The following ANKRD10 variants were observed in gnomAD, a reference collection of about 807,000 sequenced individuals.
ANKRD10 encodes ankyrin repeat domain-containing protein 10.
In ANKRD10, 14 loss-of-function variants were observed where a neutral mutation model predicts 27.0. That is an observed-to-expected ratio of 0.52 (90% CI 0.34 to 0.81). The LOEUF (loss-of-function observed/expected upper bound fraction) is 0.81. Ranked by LOEUF, ANKRD10 falls within the 40% of genes least tolerant of loss-of-function variation. ANKRD10 has a pLI of 0.01. For synonymous variants in ANKRD10, 250 were observed against 224.5 expected, an observed-to-expected ratio of 1.11 and a Z score of -1.01; for missense variants, 493 against 544.0, an observed-to-expected ratio of 0.91 and a Z score of 0.93.
chr13:110,914,429 G>C (rs941925388), intron 1 of ANKRD10: 4 of 247,516 alleles, frequency 1.6e-5, no homozygotes, highest in African/African-American at 9.1e-5. Flanking sequence ...GGGACCCTTG[G>C]AGCCCGCCTT....
rs1332194611 is a variant in ANKRD10, at chr13:110,878,814, C to T, written c.*823G>A. 6.6e-6 allele frequency: 1 copy of T among 152,514 alleles called. No individual in the cohort carries two copies. The highest frequency in any genetic ancestry group is 2.4e-5 in the African/African-American group (1 of 41,408). The allele number at this position is 152,514 out of a possible 1,614,324, so 9.4% of individuals were successfully genotyped here. A position where few individuals can be genotyped will look rare whatever the true frequency, so the allele number is the denominator to read the frequency against. ...ACTGGATATACATAGTGGTATATAT[C>T]TTAAAGCAGAAAACCCCAAAAAACA... On this transcript the variant is annotated 3_prime_UTR_variant, in exon 6 of 6. Coordinates refer to ENST00000267339, the MANE Select transcript of ANKRD10 (RefSeq NM_017664.4).
intron 3 of ANKRD10, among the ~76,000 whole-genome samples, 188 bp from the exon 4 acceptor site, chr13:110,893,451 A>C (rs1324915230): frequency 6.6e-6 from 1 of 152,248 alleles, no homozygotes; most frequent in African/African-American, 2.4e-5. Flanking sequence ...TTGATTTCTA[A>C]GCAAGATTTG....
chr13:110,881,989 T>C (rs970260973), intron 5 of ANKRD10, among the ~76,000 whole-genome samples: 4 of 152,164 alleles, frequency 2.6e-5, no homozygotes, highest in African/African-American at 7.2e-5. Context: ...TTCCCTTCTG[T>C]CTGCCCGGCC....
At chr13:110,896,556 A>G in intron 3 of ANKRD10, among the ~76,000 whole-genome samples, 1 of 152,208 alleles carries the variant, frequency 6.6e-6, no homozygotes, top group Non-Finnish European at 1.5e-5. Flanking sequence ...TCAACTGTGT[A>G]GTGCACATTA....
At chr13:110,909,775 G>A (rs1051657722) in intron 2 of ANKRD10, among the ~76,000 whole-genome samples, 4 of 152,190 alleles carry the variant, frequency 2.6e-5, no homozygotes, top group Non-Finnish European at 5.9e-5. Context: ...TGGTTATCAT[G>A]AAGGACTGAA....
intron 3 of ANKRD10, among the ~76,000 whole-genome samples, chr13:110,899,765 T>A (rs1171946126): frequency 1.3e-5 from 2 of 151,972 alleles, no homozygotes; most frequent in South Asian, 4.2e-4. Flanking sequence ...AACAGGAATA[T>A]TAAAATGTGG....
intron 3 of ANKRD10, among the ~76,000 whole-genome samples, chr13:110,893,815 CTG>C (rs1423322026): frequency 2.0e-5 from 3 of 152,230 alleles, no homozygotes; most frequent in African/African-American, 7.2e-5. Flanking sequence ...AGCTGAACAG[CTG>C]TGTTTTTCTG....
chr13:110,904,910 T>TG (rs1286386619), intron 3 of ANKRD10: 1 of 152,212 alleles, frequency 6.6e-6, no homozygotes, highest in African/African-American at 2.4e-5. Flanking sequence ...CACAGATGAT[T>TG]GACAGCCTCC....
At chr13:110,894,466 A>C in intron 3 of ANKRD10, 1 of 259,262 alleles carries the variant, frequency 3.9e-6, no homozygotes, top group South Asian at 8.9e-5. Context: ...ATTAGGGACA[A>C]ATAATATTTT....
At chr13:110,883,621 A>G in intron 5 of ANKRD10, 77 bp downstream of exon 5, 1 of 1,584,196 alleles carries the variant, frequency 6.3e-7, no homozygotes. Flanking sequence ...TTGGTCCAAC[A>G]GAACCACTCT....
At chr13:110,894,295 A>G in intron 3 of ANKRD10, 1 of 764,526 alleles carries the variant, frequency 1.3e-6, no homozygotes, top group East Asian at 2.5e-5. Flanking sequence ...CTGTTCAGCA[A>G]GCTACACTAC....
intron 4 of ANKRD10, among the ~76,000 whole-genome samples, chr13:110,884,198 A>T (rs1384557054): frequency 6.8e-6 from 1 of 146,688 alleles, no homozygotes; most frequent in Non-Finnish European, 1.5e-5. Flanking sequence ...TTTTAAAAAA[A>T]TCCACTATTT....
At chr13:110,910,878 GTTT>G (rs1201366184) in intron 1 of ANKRD10, 108 bp from the exon 2 acceptor site, 3 of 1,175,630 alleles carry the variant, frequency 2.6e-6, no homozygotes, top group Admixed American at 2.9e-5. Context: ...ATTGTTACCA[GTTT>G]TTTAACAGAT....
At chr13:110,890,837 C>T (rs1391868415) in intron 4 of ANKRD10, among the ~76,000 whole-genome samples, 1 of 152,178 alleles carries the variant, frequency 6.6e-6, no homozygotes, top group African/African-American at 2.4e-5. Context: ...AACTTCTAAT[C>T]ACTGGTCAAC....
At chr13:110,883,136 C>T (rs2064849633) in intron 5 of ANKRD10, 1 of 152,220 alleles carries the variant, frequency 6.6e-6, no homozygotes, top group Non-Finnish European at 1.5e-5. Context: ...AGAATGAAGA[C>T]CACAGAAACC....
chr13:110,910,806 C>A, intron 1 of ANKRD10, 36 bp from the exon 2 acceptor site: 1 of 1,591,626 alleles, frequency 6.3e-7, no homozygotes, highest in Non-Finnish European at 8.6e-7. Flanking sequence ...AACACGCAGA[C>A]ATGTCAGTAC....
In ANKRD10 at chr13:110,880,066, A is replaced by C; in HGVS notation, c.834T>G (p.Cys278Trp). 1 of 1,614,142 alleles carries C rather than the reference A, an allele frequency of 6.2e-7. No homozygotes were observed. The highest frequency in any genetic ancestry group is 1.1e-5 in the South Asian group (1 of 91,080). The stretch of plus-strand genomic sequence containing the variant: ...GGAAGTCCAAATGTCCATTGATGAC[A>C]CATCCATTTGTCAATGTATTCGATA... ...SSVSNTLTNG[C>W]VINGHLDFPS... The change falls in exon 6 of 6, where the codon TGT becomes TGG. Residue 278 changes from cysteine to tryptophan, a missense_variant. Coordinates refer to ENST00000267339, the MANE Select transcript of ANKRD10 (RefSeq NM_017664.4).
At chr13:110,906,214 T>G in intron 2 of ANKRD10, 90 bp from the exon 3 acceptor site, 2 of 977,704 alleles carry the variant, frequency 2.0e-6, no homozygotes, top group Non-Finnish European at 3.0e-6. Context: ...TCAGAGACCT[T>G]CTCATCCTTT....
chr13:110,888,727 C>T (rs1042346773), intron 4 of ANKRD10, among the ~76,000 whole-genome samples: 2 of 152,208 alleles, frequency 1.3e-5, no homozygotes, highest in African/African-American at 4.8e-5. Context: ...TAAATCCACT[C>T]TGGGAAAGTG....
Sources: gnomAD v4.1 joint callset for allele counts (sites outside exome capture counted in the v4.1 genomes callset) on GRCh38, gnomAD v4.1.1 for gene constraint, MANE v1.5 for transcripts, NCBI Gene and HGNC (gene_info 2026-07-23, HGNC 2026-07-21) for gene names.